The following FABP7 variants were observed in gnomAD, a reference collection of about 807,000 sequenced individuals.
FABP7 encodes the protein fatty acid binding protein 7, also known as fatty acid-binding protein, brain.
In FABP7, 13 loss-of-function variants were observed where a neutral mutation model predicts 14.2. The ratio of observed to expected loss-of-function variants is 0.91; its 90% CI spans 0.59 to 1.45. FABP7 has a LOEUF of 1.45. Ranked by LOEUF, FABP7 falls within the 40% of genes most tolerant of loss-of-function variation. The pLI is 0.00. For missense variants in FABP7, 149 were observed against 157.6 expected (o/e 0.95, Z 0.29); for synonymous variants, 49 against 51.4 (o/e 0.95, Z 0.20).
At position 122,784,020 on chromosome 6, in the gene FABP7, T is replaced by C; in HGVS notation, c.*253T>C. 1 of 339,730 alleles carries C rather than the reference T, an allele frequency of 2.9e-6. No homozygotes were observed. Among genetic ancestry groups the C allele is most frequent in the Middle Eastern group, 7.7e-4 (1 of 1,292 alleles). The allele number at this position is 339,730 out of a possible 1,614,324, so 21.0% of individuals were successfully genotyped here. On this transcript the variant is annotated 3_prime_UTR_variant, in exon 4 of 4. Transcript: ENST00000368444. Reference sequence around the variant, plus strand: ...TTTTTTATAAACAAGTGAATACATTTTATAATTTCTTTTGGAATGTAAATC... The same window carrying C: ...TTTTTTATAAACAAGTGAATACATTCTATAATTTCTTTTGGAATGTAAATC...
the FABP7 span, among the ~76,000 whole-genome samples, chr6:122,771,662 G>A: frequency 1.3e-5 from 2 of 152,072 alleles, no homozygotes; most frequent in Admixed American, 1.3e-4. Flanking sequence ...AAACTATTCT[G>A]TGTGCTTTCA....
the FABP7 span, among the ~76,000 whole-genome samples, chr6:122,752,751 A>G: frequency 6.6e-6 from 1 of 152,306 alleles, no homozygotes; most frequent in East Asian, 1.9e-4. Flanking sequence ...TTGTGGCTCT[A>G]TTTAGAGTTT....
chr6:122,764,415 C>A, the FABP7 span, among the ~76,000 whole-genome samples: 1 of 151,922 alleles, frequency 6.6e-6, no homozygotes. Flanking sequence ...GGAGGGATGG[C>A]ATTAGGAGAA....
chr6:122,780,147 G>A (rs1480499691), intron 1 of FABP7, 144 bp from the exon 2 acceptor site: 1 of 899,786 alleles, frequency 1.1e-6, no homozygotes, highest in South Asian at 1.6e-5. Context: ...TATCACAGTA[G>A]TGTTTTACAT....
chr6:122,783,590 T>C, intron 3 of FABP7, 127 bp from the exon 4 acceptor site: 1 of 1,420,646 alleles, frequency 7.0e-7, no homozygotes, highest in Non-Finnish European at 9.2e-7. Context: ...GAAATGCTTA[T>C]GCAGCATTTA....
upstream of FABP7, among the ~76,000 whole-genome samples, chr6:122,776,894 C>T (rs1430910415): frequency 2.0e-5 from 3 of 152,042 alleles, no homozygotes; most frequent in South Asian, 4.1e-4. Flanking sequence ...TTCTTTTCTG[C>T]CTATTACAAG....
chr6:122,778,285 T>C (rs1582517208), upstream of FABP7, among the ~76,000 whole-genome samples: 1 of 152,272 alleles, frequency 6.6e-6, no homozygotes, highest in Non-Finnish European at 1.5e-5. Flanking sequence ...GATTCAGAGG[T>C]TTCTGGCTTG....
chr6:122,780,108 T>A (rs1166202900), intron 1 of FABP7, among the ~76,000 whole-genome samples, 183 bp from the exon 2 acceptor site: 1 of 152,214 alleles, frequency 6.6e-6, no homozygotes, highest in Non-Finnish European at 1.5e-5. Flanking sequence ...CTTCTCTGAC[T>A]TTTTTGGTTT....
chr6:122,768,226 G>A, the FABP7 span, among the ~76,000 whole-genome samples: 1 of 152,060 alleles, frequency 6.6e-6, no homozygotes. Context: ...AAGCATTGGG[G>A]AATATGTTGA....
intron 3 of FABP7, 187 bp from the exon 4 acceptor site, chr6:122,783,530 A>T (rs1327987259): frequency 1.0e-6 from 1 of 984,962 alleles, no homozygotes; most frequent in Non-Finnish European, 1.2e-6. Flanking sequence ...CTTCATTCTC[A>T]TTTCAGAGAC....
rs200752405 is a variant in FABP7, at chr6:122,779,783, G to A, written c.-12G>A. 1.0e-4 allele frequency: 164 copies of A among 1,613,938 alleles called. 2 individuals are homozygous for A. The highest frequency in any genetic ancestry group is 6.6e-4 in the Middle Eastern group (4 of 6,074). ...TCCCCGCTCCTGTCTCTAAAGAGGGGAAAGGGCAAGGATGGTGGAGGCTTT... is the reference window on the plus strand; with the variant it reads ...TCCCCGCTCCTGTCTCTAAAGAGGGAAAAGGGCAAGGATGGTGGAGGCTTT... On this transcript the variant is annotated 5_prime_UTR_variant, in exon 1 of 4. Coordinates refer to ENST00000368444, the MANE Select transcript of FABP7 (RefSeq NM_001446.5).
chr6:122,781,845 G>A (rs957235789), intron 3 of FABP7: 6 of 469,300 alleles, frequency 1.3e-5, no homozygotes, highest in African/African-American at 6.5e-5. Flanking sequence ...GGGCTCAAGC[G>A]ATTCTACAAC....
At chr6:122,778,116 A>T (rs190354512), upstream of FABP7, among the ~76,000 whole-genome samples, 1 of 152,268 alleles carries the variant, frequency 6.6e-6, no homozygotes, top group Non-Finnish European at 1.5e-5. Flanking sequence ...CACTTTCCCA[A>T]GGCTTCTTGG....
At chr6:122,779,903 C>T (rs780692958) in intron 1 of FABP7, 36 bp downstream of exon 1, 2 of 1,589,384 alleles carry the variant, frequency 1.3e-6, no homozygotes, top group Non-Finnish European at 1.7e-6. Context: ...CTCTTCTCAA[C>T]GTGCAGCTTT....
At chr6:122,778,095 C>G (rs1014723389), upstream of FABP7, among the ~76,000 whole-genome samples, 3 of 152,048 alleles carry the variant, frequency 2.0e-5, no homozygotes. Context: ...GTAATCTGAC[C>G]ACCTTGGGAC....
the FABP7 span, among the ~76,000 whole-genome samples, chr6:122,769,235 CAAG>C: frequency 6.6e-6 from 1 of 152,108 alleles, no homozygotes; most frequent in Admixed American, 6.6e-5. Context: ...AAGGGAAATT[CAAG>C]GTTTCCCCAA....
chr6:122,780,597 C>T lies in FABP7; in HGVS notation c.246+134C>T, dbSNP rs566246500. ...TATTTCAATCCAAGGAGAAATACAC[C>T]AAAGTTAGTTTAATGTGCATATGTT... On this transcript the variant is annotated intron_variant, in intron 2 of 3. Transcript: ENST00000368444. 16 of 960,112 alleles carry T rather than the reference C, an allele frequency of 1.7e-5. No homozygotes were observed. The East Asian group carries it at 3.1e-4, about 19-fold the overall frequency. The allele number at this position is 960,112 out of a possible 1,614,324, so 59.5% of individuals were successfully genotyped here.
chr6:122,753,532 C>G, the FABP7 span, among the ~76,000 whole-genome samples: 21 of 152,230 alleles, frequency 1.4e-4, no homozygotes, highest in Non-Finnish European at 2.5e-4. Context: ...CTGTGGTGCA[C>G]ATATTTGTCA....
the FABP7 span, among the ~76,000 whole-genome samples, chr6:122,768,791 A>T: frequency 2.0e-5 from 3 of 152,114 alleles, no homozygotes; most frequent in Non-Finnish European, 4.4e-5. Flanking sequence ...ATATTAGAAA[A>T]TACTTTAATA....
Sources: allele counts gnomAD v4.1 joint callset (sites outside exome capture counted in the v4.1 genomes callset), GRCh38; gene constraint gnomAD v4.1.1; transcripts MANE v1.5; gene names NCBI Gene and HGNC (gene_info 2026-07-23, HGNC 2026-07-21).